FUT9: variants seen among roughly 807,000 people sequenced by gnomAD.
FUT9 encodes the protein 4-galactosyl-N-acetylglucosaminide 3-alpha-L-fucosyltransferase 9.
A neutral mutation model predicts 29.7 loss-of-function variants in FUT9; 15 were observed. The ratio of observed to expected loss-of-function variants is 0.51; its 90% CI spans 0.34 to 0.78. The LOEUF (loss-of-function observed/expected upper bound fraction) is 0.78. FUT9 is among the 30% of genes least tolerant of loss of function. The pLI, the probability that FUT9 is intolerant of heterozygous loss-of-function variation, is 0.01. For missense variants in FUT9, 319 were observed against 425.4 expected, an observed-to-expected ratio of 0.75 and a Z score of 2.20; for synonymous variants, 169 against 153.7, an observed-to-expected ratio of 1.10 and a Z score of -0.74.
At chr6:96,107,255 C>T (rs993653410) in intron 1 of FUT9, among the ~76,000 whole-genome samples, 1 of 152,158 alleles carries the variant, frequency 6.6e-6, no homozygotes, top group African/African-American at 2.4e-5. Context: ...ATAAGACAAC[C>T]ATAAATGTGT....
chr6:96,058,821 A>G (rs1770822642), intron 1 of FUT9, among the ~76,000 whole-genome samples: 1 of 152,152 alleles, frequency 6.6e-6, no homozygotes, highest in Admixed American at 6.5e-5. Context: ...TACTGATTAT[A>G]CTTGTTCAGT....
intron 1 of FUT9, among the ~76,000 whole-genome samples, chr6:96,018,315 T>C (rs1293017048): frequency 6.6e-6 from 1 of 152,168 alleles, no homozygotes. Flanking sequence ...CATAATTATG[T>C]TAATGATAAA....
At chr6:96,111,024 T>C (rs1771796764) in intron 1 of FUT9, among the ~76,000 whole-genome samples, 4 of 152,242 alleles carry the variant, frequency 2.6e-5, no homozygotes, top group Middle Eastern at 3.4e-3. Context: ...CAGTCATTTA[T>C]ATTTGTTGGC....
At chr6:96,023,615 G>A (rs944990052) in intron 1 of FUT9, among the ~76,000 whole-genome samples, 6 of 151,850 alleles carry the variant, frequency 4.0e-5, no homozygotes, top group African/African-American at 1.4e-4. Context: ...AGCTGGTACT[G>A]GCACAGTCCA....
chr6:96,143,552 C>T (rs536318186), intron 2 of FUT9, among the ~76,000 whole-genome samples: 119 of 151,968 alleles, frequency 7.8e-4, no homozygotes, highest in Middle Eastern at 6.8e-3. Flanking sequence ...CCTCCCATCC[C>T]CTCCCTTTTC....
intron 1 of FUT9, among the ~76,000 whole-genome samples, chr6:96,098,512 A>AT (rs752554809): frequency 1.3e-5 from 2 of 152,044 alleles, no homozygotes; most frequent in Non-Finnish European, 2.9e-5. Flanking sequence ...TTAACTCCAT[A>AT]TTTTTACCAT....
At position 96,059,418 on chromosome 6, in the gene FUT9, A is replaced by G. The variant is rs551453105; in HGVS notation, c.-98+43206A>G. On this transcript the variant is annotated intron_variant, in intron 1 of 2. Transcript: ENST00000302103. Reference sequence around the variant, plus strand: ...CACACCTGCATACACACATACCAGAAAGTTAATGTTGTTTTACTTTAAAGC... The same window carrying G: ...CACACCTGCATACACACATACCAGAGAGTTAATGTTGTTTTACTTTAAAGC... 2.6e-5 allele frequency among the ~76,000 whole-genome samples: 4 copies of G among 152,288 alleles called. No individual in the cohort carries two copies. The South Asian group carries it at 8.3e-4, about 32-fold the overall frequency.
chr6:96,132,294 G>C (rs1254053511), intron 2 of FUT9, among the ~76,000 whole-genome samples: 3 of 105,084 alleles, frequency 2.9e-5, no homozygotes, highest in Non-Finnish European at 4.5e-5. Flanking sequence ...AAAAACAAAG[G>C]TTGAAAGAAC....
chr6:96,028,310 T>C (rs1372923199), intron 1 of FUT9, among the ~76,000 whole-genome samples: 6 of 151,642 alleles, frequency 4.0e-5, no homozygotes, highest in African/African-American at 7.3e-5. Flanking sequence ...AATTCTTACC[T>C]GTTTATTGAG....
At position 96,185,651 on chromosome 6, in the gene FUT9, T is replaced by C. The variant is rs559141638; in HGVS notation, c.-8-17497T>C. Among the ~76,000 whole-genome samples, 4 of 152,278 alleles carry C rather than the reference T, an allele frequency of 2.6e-5. No individual in the cohort carries two copies. In the South Asian group the frequency reaches 8.3e-4, roughly 32 times the overall value. On this transcript the variant is annotated intron_variant, in intron 2 of 2. Transcript: ENST00000302103. ...AACTTTACCCATTTAGATTTCAGAA[T>C]TTAATGAGGAGGGATCAGCCTTAGA...
chr6:96,034,831 T>C (rs936161907), intron 1 of FUT9, among the ~76,000 whole-genome samples: 1 of 151,692 alleles, frequency 6.6e-6, no homozygotes, highest in African/African-American at 2.4e-5. Context: ...AAAAGGAAAT[T>C]AGCCATGATT....
At position 96,146,413 on chromosome 6, in the gene FUT9, T is replaced by C. The variant is rs1772568561; in HGVS notation, c.-9+32286T>C. Among the ~76,000 whole-genome samples the C allele has an allele frequency of 1.3e-5, 2 of 152,300 alleles. 1 individual carries two copies. The highest frequency in any genetic ancestry group is 3.9e-4 in the East Asian group (2 of 5,186). Reference sequence around the variant, plus strand: ...CCTTTTAAACACAAAATTTAAAATGTGGGCCTAATTTAAACATAAAAATAA... The same window carrying C: ...CCTTTTAAACACAAAATTTAAAATGCGGGCCTAATTTAAACATAAAAATAA... On this transcript the variant is annotated intron_variant, in intron 2 of 2. Transcript: ENST00000302103.
At chr6:96,118,163 C>A (rs1328591158) in intron 2 of FUT9, among the ~76,000 whole-genome samples, 1 of 149,662 alleles carries the variant, frequency 6.7e-6, no homozygotes, top group African/African-American at 2.5e-5. Context: ...CAAGATTGCA[C>A]CACTGCAGTC....
chr6:96,078,915 G>T (rs1346910337), intron 1 of FUT9, among the ~76,000 whole-genome samples: 1 of 151,852 alleles, frequency 6.6e-6, no homozygotes, highest in African/African-American at 2.4e-5. Flanking sequence ...GCTTCTCCTT[G>T]CCCCTGCCGC....
At chr6:96,055,914 C>T (rs1770758497) in intron 1 of FUT9, among the ~76,000 whole-genome samples, 2 of 151,810 alleles carry the variant, frequency 1.3e-5, no homozygotes, top group Admixed American at 1.3e-4. Flanking sequence ...TATTCTATTT[C>T]TAATATAATT....
chr6:96,162,953 C>G (rs1408021249), intron 2 of FUT9, among the ~76,000 whole-genome samples: 1 of 152,148 alleles, frequency 6.6e-6, no homozygotes, highest in Non-Finnish European at 1.5e-5. Flanking sequence ...AAAGTCTTTT[C>G]CCTTGCAGTG....
At chr6:96,092,781 C>CT (rs889645736) in intron 1 of FUT9, among the ~76,000 whole-genome samples, 4 of 151,946 alleles carry the variant, frequency 2.6e-5, no homozygotes, top group African/African-American at 7.2e-5. Flanking sequence ...TTTCCCTTTT[C>CT]TTTTTTTGGA....
intron 2 of FUT9, among the ~76,000 whole-genome samples, chr6:96,199,133 T>A (rs1055076180): frequency 3.3e-5 from 5 of 152,224 alleles, no homozygotes; most frequent in Admixed American, 1.3e-4. Flanking sequence ...TCCTATTTAC[T>A]GTTACAATTT....
At chr6:96,189,454 G>A (rs1272333193) in intron 2 of FUT9, among the ~76,000 whole-genome samples, 4 of 151,992 alleles carry the variant, frequency 2.6e-5, no homozygotes, top group Admixed American at 6.6e-5. Context: ...GAAACATCAC[G>A]CTATTGGAGG....
Sources: allele counts gnomAD v4.1 joint callset (sites outside exome capture counted in the v4.1 genomes callset), GRCh38; gene constraint gnomAD v4.1.1; transcripts MANE v1.5; gene names NCBI Gene and HGNC (gene_info 2026-07-23, HGNC 2026-07-21).